The following FAM53B variants were observed in gnomAD, a reference collection of about 807,000 sequenced individuals.
FAM53B encodes protein FAM53B.
A neutral mutation model predicts 32.7 loss-of-function variants in FAM53B; 12 were observed. The ratio of observed to expected loss-of-function variants is 0.37; its 90% CI spans 0.24 to 0.59. The LOEUF is 0.59. Ranked by LOEUF, FAM53B falls within the 20% of genes least tolerant of loss-of-function variation. FAM53B has a pLI of 0.72. For synonymous variants in FAM53B, 234 were observed against 228.7 expected (o/e 1.02, Z -0.21); for missense variants, 477 against 577.7 (o/e 0.83, Z 1.79).
Position 124,623,100 on chromosome 10 carries a change from G to A in FAM53B, c.*142C>T. On this transcript the variant is annotated 3_prime_UTR_variant, in exon 5 of 5. Coordinates refer to ENST00000337318, the MANE Select transcript of FAM53B (RefSeq NM_014661.4). ...CAGGCTCTCCCCCAGGCAGCAGGTGGGCTCCCTCTCTGGGACCCGACACCA... is the reference window on the plus strand; with the variant it reads ...CAGGCTCTCCCCCAGGCAGCAGGTGAGCTCCCTCTCTGGGACCCGACACCA... 1 of 1,114,620 alleles carries A rather than the reference G, an allele frequency of 9.0e-7. No individual in the cohort carries two copies. The highest frequency in any genetic ancestry group is 1.3e-6 in the Non-Finnish European group (1 of 790,846). 69.0% of individuals were successfully genotyped at this position (1,114,620 alleles called of 1,614,324 possible).
chr10:124,627,254 G>A (rs965508492), intron 4 of FAM53B, among the ~76,000 whole-genome samples: 4 of 152,166 alleles, frequency 2.6e-5, no homozygotes, highest in African/African-American at 9.7e-5. Flanking sequence ...CACCCAGGGT[G>A]TGCCACACCC....
chr10:124,706,012 T>C (rs1949955291), intron 2 of FAM53B, among the ~76,000 whole-genome samples: 1 of 152,186 alleles, frequency 6.6e-6, no homozygotes, highest in Non-Finnish European at 1.5e-5. Flanking sequence ...CAGCCTGCAC[T>C]CACATCTGAG....
intron 4 of FAM53B, among the ~76,000 whole-genome samples, chr10:124,661,951 G>A (rs550621268): frequency 2.2e-4 from 33 of 152,308 alleles, no homozygotes; most frequent in African/African-American, 7.0e-4. Context: ...GGCTCCGATC[G>A]GTGAGCCCGG....
chr10:124,706,854 C>A lies in FAM53B; in HGVS notation c.-141G>T, dbSNP rs1240809962. ...TTGGCCACTCACCCTTGGGGTGGGG[C>A]CCTTCTGGGAAATGGCCAAATGTGG... is the stretch of plus-strand genomic sequence containing the variant. On this transcript the variant is annotated 5_prime_UTR_variant, in exon 2 of 5. Coordinates refer to ENST00000337318, the MANE Select transcript of FAM53B (RefSeq NM_014661.4). The A allele has an allele frequency of 2.7e-6, 4 of 1,495,044 alleles. No homozygotes were observed. The highest frequency in any genetic ancestry group is 2.2e-5 in the Admixed American group (1 of 45,204). The allele number at this position is 1,495,044 out of a possible 1,614,324, so 92.6% of individuals were successfully genotyped here.
In FAM53B at chr10:124,733,652, G is replaced by A. The variant is rs371074381; in HGVS notation, c.-175+10361C>T. Among the ~76,000 whole-genome samples the A allele has an allele frequency of 3.3e-5, 5 of 152,320 alleles. No individual in the cohort carries two copies. The highest frequency in any genetic ancestry group is 3.4e-3 in the Middle Eastern group (1 of 294). On this transcript the variant is annotated intron_variant, in intron 1 of 4. Transcript: ENST00000337318. The surrounding 1 kb of genome is among the most constrained non-coding windows in gnomAD (Gnocchi z 4.3). Reference sequence around the variant, plus strand: ...GGAAGCTCTTGGGAATCCCAAGGGCGCCTGCTAAATGCGAGAGTTTTGTCT... The same window carrying A: ...GGAAGCTCTTGGGAATCCCAAGGGCACCTGCTAAATGCGAGAGTTTTGTCT...
At position 124,619,812 on chromosome 10, in the gene FAM53B, C is replaced by CGGCT. The variant is rs1217659359; in HGVS notation, c.*3426_*3429dup. On this transcript the variant is annotated 3_prime_UTR_variant, in exon 5 of 5. Coordinates refer to ENST00000337318, the MANE Select transcript of FAM53B (RefSeq NM_014661.4). ...CGCGGCCAGCCTGCTGCATCCCTGC[C>CGGCT]GGCTGACGTCTGGAGTGACCGTCAT... The CGGCT allele has an allele frequency of 6.6e-6, 1 of 152,666 alleles. No individual in the cohort carries two copies. Among genetic ancestry groups the CGGCT allele is most frequent in the Non-Finnish European group, 1.5e-5 (1 of 68,076 alleles). 9.5% of individuals were successfully genotyped at this position (152,666 alleles called of 1,614,324 possible). A position where few individuals can be genotyped will look rare whatever the true frequency, so the allele number is the denominator to read the frequency against.
At chr10:124,635,628 C>T (rs1462008395) in intron 4 of FAM53B, among the ~76,000 whole-genome samples, 2 of 152,130 alleles carry the variant, frequency 1.3e-5, no homozygotes, top group Non-Finnish European at 2.9e-5. Flanking sequence ...GCTCCTACAG[C>T]GTTAACCTGG....
chr10:124,706,623 G>T lies in FAM53B; in HGVS notation c.78+13C>A. On this transcript the variant is annotated intron_variant, in intron 2 of 4. Transcript: ENST00000337318. ...AATGGTCATGGAAAGCAGGAAGCCT[G>T]CCAGGTCCTCACCAGTTCACGGCTG... 6.2e-7 allele frequency: 1 copy of T among 1,614,168 alleles called. No individual in the cohort carries two copies. The highest frequency in any genetic ancestry group is 8.5e-7 in the Non-Finnish European group (1 of 1,180,014).
At chr10:124,692,263 G>A (rs1057391694) in intron 3 of FAM53B, among the ~76,000 whole-genome samples, 1 of 152,072 alleles carries the variant, frequency 6.6e-6, no homozygotes, top group African/African-American at 2.4e-5. Flanking sequence ...CACGCTTCAC[G>A]CTGGCTTTGT....
At chr10:124,652,273 G>A (rs1245180538) in intron 4 of FAM53B, among the ~76,000 whole-genome samples, 3 of 152,152 alleles carry the variant, frequency 2.0e-5, no homozygotes, top group Non-Finnish European at 4.4e-5. Context: ...ACTAGCCAGG[G>A]TCTTACCATG....
chr10:124,665,259 G>C (rs1949661947), intron 4 of FAM53B, among the ~76,000 whole-genome samples: 1 of 152,110 alleles, frequency 6.6e-6, no homozygotes, highest in Non-Finnish European at 1.5e-5. Context: ...CCTGAGTGAG[G>C]TTCAAGTCCC....
At chr10:124,654,496 G>A (rs548957660) in intron 4 of FAM53B, among the ~76,000 whole-genome samples, 3 of 152,296 alleles carry the variant, frequency 2.0e-5, no homozygotes, top group Admixed American at 1.3e-4. Context: ...GATGGCAGCA[G>A]AGATGGTGAG....
chr10:124,700,841 CA>C (rs1417721803), intron 2 of FAM53B, among the ~76,000 whole-genome samples: 1 of 152,214 alleles, frequency 6.6e-6, no homozygotes, highest in African/African-American at 2.4e-5. Context: ...CACAGAGCAA[CA>C]GGGGGAGGCT....
intron 1 of FAM53B, chr10:124,742,584 TG>T (rs1471077132): frequency 6.6e-6 from 1 of 152,214 alleles, no homozygotes; most frequent in Non-Finnish European, 1.5e-5. Context: ...GCTAATATGT[TG>T]TAAGCAGCAC....
At chr10:124,737,061 C>T (rs1363730872) in intron 1 of FAM53B, among the ~76,000 whole-genome samples, 1 of 152,224 alleles carries the variant, frequency 6.6e-6, no homozygotes, top group Non-Finnish European at 1.5e-5. Context: ...GCAATGAAAT[C>T]GGGCTAGTCC....
At chr10:124,672,040 A>G (rs1330650226) in intron 4 of FAM53B, among the ~76,000 whole-genome samples, 2 of 152,224 alleles carry the variant, frequency 1.3e-5, no homozygotes, top group African/African-American at 4.8e-5. Flanking sequence ...TACCACAAAA[A>G]TGGTACATAA....
intron 1 of FAM53B, among the ~76,000 whole-genome samples, chr10:124,734,698 A>T (rs541167970): frequency 2.0e-5 from 3 of 152,326 alleles, no homozygotes; most frequent in African/African-American, 7.2e-5. Context: ...GAACAGCATG[A>T]GTCTTCACAC....
chr10:124,731,541 T>G (rs1253935950), intron 1 of FAM53B, among the ~76,000 whole-genome samples: 1 of 152,110 alleles, frequency 6.6e-6, no homozygotes, highest in Non-Finnish European at 1.5e-5. Context: ...AGAGGCTCCA[T>G]TTATAAAGGA....
chr10:124,622,375 C>A lies in FAM53B; in HGVS notation c.*867G>T, dbSNP rs1428765259. ...TGGTATCGTGCCATCCCTACACTCA[C>A]CGGAACCAACCATGCTTATCACTCA... On this transcript the variant is annotated 3_prime_UTR_variant, in exon 5 of 5. Coordinates refer to ENST00000337318, the MANE Select transcript of FAM53B (RefSeq NM_014661.4). 2.6e-5 allele frequency: 4 copies of A among 152,286 alleles called. No homozygotes were observed. The highest frequency in any genetic ancestry group is 9.7e-5 in the African/African-American group (4 of 41,444). The allele number at this position is 152,286 out of a possible 1,614,324, so 9.4% of individuals were successfully genotyped here.
Sources: allele counts gnomAD v4.1 joint callset (sites outside exome capture counted in the v4.1 genomes callset), GRCh38; gene constraint gnomAD v4.1.1; non-coding constraint Gnocchi (gnomAD v3.1); transcripts MANE v1.5; gene names NCBI Gene and HGNC (gene_info 2026-07-23, HGNC 2026-07-21).